Variants in CNBD1 observed in about 807,000 individuals in gnomAD.
CNBD1 encodes cyclic nucleotide binding domain containing 1, also known as cyclic nucleotide-binding domain-containing protein 1.
Under a neutral mutation model 54.4 loss-of-function variants are expected in CNBD1, and 71 were observed. The observed-to-expected ratio is 1.30, with a 90% CI of 1.08 to 1.59. The LOEUF is 1.59. CNBD1 is among the 40% of genes most tolerant of loss of function. CNBD1 has a pLI of 0.00. For synonymous variants in CNBD1, 182 were observed against 170.7 expected, an observed-to-expected ratio of 1.07 and a Z score of -0.51; for missense variants, 659 against 518.0, an observed-to-expected ratio of 1.27 and a Z score of -2.64.
At chr8:87,389,453 A>G (rs1229507985) in intron 2 of CNBD1, among the ~76,000 whole-genome samples, 1 of 152,200 alleles carries the variant, frequency 6.6e-6, no homozygotes, top group African/African-American at 2.4e-5. Context: ...CTTATACACC[A>G]ATAACAGACA....
chr8:87,360,769 G>A (rs28619250), intron 10 of CNBD1, among the ~76,000 whole-genome samples: 4,385 of 151,832 alleles, frequency 0.029, 95 homozygotes, highest in African/African-American at 0.047. Flanking sequence ...TTGCCATACC[G>A]AAAAGGAAAA....
rs1217243512 is a variant in CNBD1 at position 87,338,619 on chromosome 8, G to T, written c.1043-13066G>T. ...CTCTGCTTTCTTTCATTTTTTCTTTGTTTTTTTTTTTCTAGTTTGAAAAGT... is the reference window on the plus strand; with the variant it reads ...CTCTGCTTTCTTTCATTTTTTCTTTTTTTTTTTTTTTCTAGTTTGAAAAGT... On this transcript the variant is annotated intron_variant, in intron 8 of 10. Transcript: ENST00000518476. Among the ~76,000 whole-genome samples the T allele has an allele frequency of 5.1e-4, 71 of 139,964 alleles. 1 individual carries two copies. Among genetic ancestry groups the T allele is most frequent in the African/African-American group, 1.7e-3 (63 of 36,828 alleles). The allele number at this position is 139,964 out of a possible 152,430, so 91.8% of individuals were successfully genotyped here.
At chr8:87,310,616 T>G (rs1809245108) in intron 8 of CNBD1, among the ~76,000 whole-genome samples, 1 of 152,072 alleles carries the variant, frequency 6.6e-6, no homozygotes, top group Non-Finnish European at 1.5e-5. Context: ...ATTTTTCACA[T>G]AATTTGAAAT....
At chr8:87,230,497 A>G (rs1023885812) in intron 5 of CNBD1, among the ~76,000 whole-genome samples, 2 of 151,984 alleles carry the variant, frequency 1.3e-5, no homozygotes, top group Admixed American at 6.5e-5. Context: ...GTATGTTTGT[A>G]TGTGTGTGTG....
At chr8:87,420,756 T>A (rs984213443) in intron 2 of CNBD1, among the ~76,000 whole-genome samples, 5 of 151,938 alleles carry the variant, frequency 3.3e-5, no homozygotes, top group South Asian at 2.1e-4. Flanking sequence ...TGCTATAAAT[T>A]GTTTGCTTGA....
chr8:87,099,034 C>CA (rs11402011), intron 4 of CNBD1, among the ~76,000 whole-genome samples: 6,097 of 22,910 alleles, frequency 0.27, 1,505 homozygotes, highest in Non-Finnish European at 0.38. Context: ...GACTGTGTCT[C>CA]AAAAAAAAAA....
At position 87,036,594 on chromosome 8, in the gene CNBD1, T is replaced by TAAAAAAA. The variant is rs58299323; in HGVS notation, c.431+96859_431+96865dup. On this transcript the variant is annotated intron_variant, in intron 4 of 10. Transcript: ENST00000518476. The stretch of plus-strand genomic sequence containing the variant: ...GGGCGACAGAGCGAGACTGCATCTC[T>TAAAAAAA]AAAAAAAAAAAAAAAAAAAAAAAAA... 1.0e-3 allele frequency among the ~76,000 whole-genome samples: 67 copies of TAAAAAAA among 64,744 alleles called. 1 individual carries two copies. Among genetic ancestry groups the TAAAAAAA allele is most frequent in the African/African-American group, 3.9e-3 (65 of 16,756 alleles). 42.5% of individuals were successfully genotyped at this position (64,744 alleles called of 152,430 possible).
At chr8:87,331,344 A>C (rs937985779) in intron 8 of CNBD1, among the ~76,000 whole-genome samples, 6 of 152,180 alleles carry the variant, frequency 3.9e-5, no homozygotes, top group African/African-American at 1.4e-4. Context: ...GAGTTTGTTG[A>C]GGTTGATGGC....
chr8:86,933,430 A>T (rs372347980), intron 3 of CNBD1, among the ~76,000 whole-genome samples: 2 of 152,338 alleles, frequency 1.3e-5, no homozygotes, highest in South Asian at 2.1e-4. Flanking sequence ...TGAATTAGTC[A>T]TTAAATCTCA....
At chr8:87,325,383 G>A (rs1180687620) in intron 8 of CNBD1, among the ~76,000 whole-genome samples, 2 of 89,566 alleles carry the variant, frequency 2.2e-5, no homozygotes, top group Non-Finnish European at 4.3e-5. Context: ...TCGTTGATCT[G>A]TCTAATGTTG....
chr8:86,973,609 G>A (rs889396081), intron 4 of CNBD1, among the ~76,000 whole-genome samples: 2 of 152,152 alleles, frequency 1.3e-5, no homozygotes, highest in South Asian at 2.1e-4. Context: ...AAGGTTGTAA[G>A]CTTCATCATG....
chr8:87,232,771 G>A (rs1382166554), intron 5 of CNBD1, among the ~76,000 whole-genome samples: 1 of 152,062 alleles, frequency 6.6e-6, no homozygotes, highest in Admixed American at 6.6e-5. Flanking sequence ...AAAGATAATG[G>A]TTTCAGGGAA....
chr8:87,308,449 C>T (rs1809200725), intron 8 of CNBD1, among the ~76,000 whole-genome samples: 1 of 151,920 alleles, frequency 6.6e-6, no homozygotes. Flanking sequence ...TTGTGTGATT[C>T]TATTTCTTCT....
chr8:87,237,804 C>T (rs1807613016), intron 6 of CNBD1, among the ~76,000 whole-genome samples: 2 of 151,792 alleles, frequency 1.3e-5, no homozygotes, highest in Admixed American at 6.6e-5. Context: ...CAGAAAAATC[C>T]AGAACTAATA....
intron 10 of CNBD1, among the ~76,000 whole-genome samples, chr8:87,373,836 T>C (rs1810869732): frequency 6.6e-6 from 1 of 151,836 alleles, no homozygotes; most frequent in Non-Finnish European, 1.5e-5. Flanking sequence ...TAAACTTCAA[T>C]ATTTTTAGAT....
intron 4 of CNBD1, among the ~76,000 whole-genome samples, chr8:87,076,596 C>T (rs1317854268): frequency 1.3e-5 from 2 of 152,042 alleles, no homozygotes; most frequent in Non-Finnish European, 2.9e-5. Flanking sequence ...GCATGCCCCA[C>T]CATGTCTGGA....
chr8:87,162,622 G>C (rs766297436), intron 4 of CNBD1, among the ~76,000 whole-genome samples: 1 of 152,010 alleles, frequency 6.6e-6, no homozygotes, highest in Non-Finnish European at 1.5e-5. Flanking sequence ...TGGATAATTT[G>C]TAAAAAACAT....
At chr8:86,911,014 C>T (rs978182567) in intron 3 of CNBD1, among the ~76,000 whole-genome samples, 6 of 152,126 alleles carry the variant, frequency 3.9e-5, no homozygotes, top group Non-Finnish European at 7.4e-5. Context: ...GCATATCCCA[C>T]GAAGAAGCTG....
intron 8 of CNBD1, among the ~76,000 whole-genome samples, chr8:87,301,332 C>T (rs1808985488): frequency 6.6e-6 from 1 of 152,028 alleles, no homozygotes; most frequent in South Asian, 2.1e-4. Context: ...AAGAACCCTC[C>T]TTAATTTATT....
Sources: allele counts gnomAD v4.1 joint callset (sites outside exome capture counted in the v4.1 genomes callset), GRCh38; gene constraint gnomAD v4.1.1; transcripts MANE v1.5; gene names NCBI Gene and HGNC (gene_info 2026-07-23, HGNC 2026-07-21).